The following KIF4B variants were observed in gnomAD, a reference collection of about 807,000 sequenced individuals.
KIF4B encodes the protein chromosome-associated kinesin KIF4B.
Under a neutral mutation model 69.0 loss-of-function variants are expected in KIF4B, and 60 were observed. That is an observed-to-expected ratio of 0.87 (90% CI 0.71 to 1.08). KIF4B has a LOEUF of 1.08. Among genes scored for constraint, KIF4B ranks in the 50% least tolerant of loss-of-function variants. The pLI is 0.00. For synonymous variants in KIF4B, 489 were observed against 533.0 expected (o/e 0.92, Z 1.14); for missense variants, 1,357 against 1,451.9 (o/e 0.93, Z 1.06).
rs778448313 is a variant in KIF4B, at chr5:155,015,153, G to A, written c.1294G>A (p.Ala432Thr). The change falls in exon 1 of 1, where the codon GCC (alanine) becomes ACC (threonine). Residue 432 changes from alanine to threonine, a missense_variant. Transcript: ENST00000435029. ...AGAGCAAGTGAATGAAAAACTGAAC[G>A]CCAAGCTAGAAGAGCTCAGGCAGCA... ...LTEQVNEKLN[A>T]KLEELRQHVA... 1.1e-5 allele frequency: 17 copies of A among 1,614,084 alleles called. No homozygotes were observed. Among genetic ancestry groups the A allele is most frequent in the African/African-American group, 8.0e-5 (6 of 74,938 alleles).
rs1765298519 is a variant in KIF4B at position 155,014,963 on chromosome 5, C to A, written c.1104C>A (p.Ala368=). Reference sequence around the variant, plus strand: ...AGCTACAAGTCTTGTTGCTACAAGCCCATGGAGGTACCCTGCCTGGATCTA... The same window carrying A: ...AGCTACAAGTCTTGTTGCTACAAGCACATGGAGGTACCCTGCCTGGATCTA... ...VQQLQVLLLQ[A]HGGTLPGSIN... The change falls in exon 1 of 1, where the codon GCC becomes GCA. Residue 368 remains alanine, a synonymous_variant. Transcript: ENST00000435029. 1 of 1,614,178 alleles carries A rather than the reference C, an allele frequency of 6.2e-7. No individual in the cohort carries two copies. Among genetic ancestry groups the A allele is most frequent in the East Asian group, 2.2e-5 (1 of 44,882 alleles).
rs1388915841 is a variant in KIF4B, at chr5:155,014,091, A to G, written c.232A>G (p.Lys78Glu). The G allele has an allele frequency of 6.2e-7, 1 of 1,614,220 alleles. No individual in the cohort carries two copies. The highest frequency in any genetic ancestry group is 1.7e-5 in the Admixed American group (1 of 60,030). The change falls in exon 1 of 1, where the codon AAA becomes GAA. Residue 78 changes from lysine to glutamate, a missense_variant. Lys to Glu is a moderately conservative substitution (Grantham distance 56). Transcript: ENST00000435029. ...AGCGCCGCTCATAAAAGGCATATTT[A>G]AAGGATATAATGCAACGGTCCTGGC... ...AVAPLIKGIFKGYNATVLAYG... is the reference protein window; with the variant it reads ...AVAPLIKGIFEGYNATVLAYG...
rs111284803 is a variant in KIF4B, at chr5:155,015,352, T to C, written c.1493T>C (p.Val498Ala). The part of the protein sequence containing the change: ...IDTAVEEEAQ[V>A]ETSPETSRSS... Reference sequence around the variant, plus strand: ...ACTGCGGTAGAAGAAGAAGCTCAAGTGGAAACCAGTCCAGAGACAAGCAGG... The same window carrying C: ...ACTGCGGTAGAAGAAGAAGCTCAAGCGGAAACCAGTCCAGAGACAAGCAGG... The change falls in exon 1 of 1, where the codon GTG (valine) becomes GCG (alanine). Residue 498 changes from valine to alanine, a missense_variant. Coordinates refer to ENST00000435029, the MANE Select transcript of KIF4B (RefSeq NM_001099293.3). The C allele has an allele frequency of 2.5e-6, 4 of 1,614,170 alleles. No homozygotes were observed. Among genetic ancestry groups the C allele is most frequent in the Non-Finnish European group, 3.4e-6 (4 of 1,180,022 alleles).
At position 155,016,738 on chromosome 5, in the gene KIF4B, T is replaced by G; in HGVS notation, c.2879T>G (p.Val960Gly). Reference protein sequence around the residue: ...KSASEKEQQLVSTLQCQDEEL... With the variant: ...KSASEKEQQLGSTLQCQDEEL... ...GCCAGTGAAAAGGAACAACAGCTGG[T>G]GAGCACACTGCAGTGTCAGGATGAA... The change falls in exon 1 of 1, where the codon GTG becomes GGG. Residue 960 changes from valine (V) to glycine (G), a missense_variant. Val to Gly is a moderately radical substitution (Grantham distance 109). Transcript: ENST00000435029. 1 of 1,614,090 alleles carries G rather than the reference T, an allele frequency of 6.2e-7. No individual in the cohort carries two copies. Among genetic ancestry groups the G allele is most frequent in the East Asian group, 2.2e-5 (1 of 44,864 alleles).
Position 155,015,873 on chromosome 5 carries a change from G to T in KIF4B, c.2014G>T (p.Val672Leu). 1 of 1,614,216 alleles carries T rather than the reference G, an allele frequency of 6.2e-7. No individual in the cohort carries two copies. Residue 672 changes from valine (V) to leucine (L), a missense_variant, in exon 1 of 1, where the codon GTA (valine) becomes TTA (leucine). Physicochemically the swap from Val to Leu is conservative, Grantham distance 32. Coordinates refer to ENST00000435029, the MANE Select transcript of KIF4B (RefSeq NM_001099293.3). The stretch of plus-strand genomic sequence containing the variant: ...ATGGAAGCAGAAAAAAGACAAAGAA[G>T]TAATACAGTTGAAAGAACGAGACCG... ...RQWKQKKDKEVIQLKERDRKR... is the reference protein window; with the variant it reads ...RQWKQKKDKELIQLKERDRKR...
Position 155,014,227 on chromosome 5 carries a change from T to C in KIF4B, c.368T>C (p.Phe123Ser), listed in dbSNP as rs759689624. The C allele has an allele frequency of 5.6e-6, 9 of 1,614,112 alleles. No homozygotes were observed. Among genetic ancestry groups the C allele is most frequent in the South Asian group, 1.1e-5 (1 of 91,088 alleles). ...GIIPRVIQLL[F>S]KEIDKKSDFE... is the part of the protein sequence containing the mutation. ...ATTCCTAGGGTAATACAACTGCTCT[T>C]CAAAGAAATTGATAAAAAGAGTGAC... Residue 123 changes from phenylalanine to serine, a missense_variant, in exon 1 of 1, where the codon TTC becomes TCC. Physicochemically the swap from Phe to Ser is radical, Grantham distance 155. Coordinates refer to ENST00000435029, the MANE Select transcript of KIF4B (RefSeq NM_001099293.3).
Position 155,017,324 on chromosome 5 carries a change from C to G in KIF4B, c.3465C>G (p.Ser1155Arg), listed in dbSNP as rs1300977216. Residue 1155 changes from serine to arginine, a missense_variant, in exon 1 of 1, where the codon AGC (serine) becomes AGG (arginine). Ser to Arg is a moderately radical substitution (Grantham distance 110, BLOSUM62 -1). Coordinates refer to ENST00000435029, the MANE Select transcript of KIF4B (RefSeq NM_001099293.3). ...CTACCGAGGTGACCCCAGGATTGAGCTTCTTTAACCCTGTCTGTGCCACCC... is the reference window on the plus strand; with the variant it reads ...CTACCGAGGTGACCCCAGGATTGAGGTTCTTTAACCCTGTCTGTGCCACCC... ...EDPTEVTPGL[S>R]FFNPVCATPN... 2 of 1,614,192 alleles carry G rather than the reference C, an allele frequency of 1.2e-6. No homozygotes were observed. Among genetic ancestry groups the G allele is most frequent in the Non-Finnish European group, 1.7e-6 (2 of 1,180,026 alleles).
chr5:155,013,966 C>T lies in KIF4B; in HGVS notation c.107C>T (p.Pro36Leu). The T allele has an allele frequency of 6.2e-7, 1 of 1,614,222 alleles. No individual in the cohort carries two copies. The highest frequency in any genetic ancestry group is 8.5e-7 in the Non-Finnish European group (1 of 1,180,042). Residue 36 changes from proline to leucine, a missense_variant, in exon 1 of 1, where the codon CCC (proline) becomes CTC (leucine). Coordinates refer to ENST00000435029, the MANE Select transcript of KIF4B (RefSeq NM_001099293.3). ...EGCQMCLSFV[P>L]GETQVVVGTD... Reference sequence around the variant, plus strand: ...TGCCAGATGTGCCTTTCCTTCGTGCCCGGGGAGACTCAGGTGGTGGTTGGT... The same window carrying T: ...TGCCAGATGTGCCTTTCCTTCGTGCTCGGGGAGACTCAGGTGGTGGTTGGT...
rs567671560 is a variant in KIF4B at position 155,016,309 on chromosome 5, C to T, written c.2450C>T (p.Thr817Ile). The T allele has an allele frequency of 4.2e-5, 68 of 1,614,196 alleles. No homozygotes were observed. The Middle Eastern group carries it at 6.6e-4, about 16-fold the overall frequency. The change falls in exon 1 of 1, where the codon ACA becomes ATA. Residue 817 changes from threonine to isoleucine, a missense_variant. Transcript: ENST00000435029. ...GTTTTGGAGTCAGAAGATTGTATTA[C>T]AAAACAGATTGAAAGCCTAGAGACT... The part of the protein sequence containing the change: ...GQVLESEDCI[T>I]KQIESLETEM...
Position 155,017,095 on chromosome 5 carries a change from A to G in KIF4B, c.3236A>G (p.Lys1079Arg), listed in dbSNP as rs746611503. The G allele has an allele frequency of 2.6e-5, 42 of 1,613,994 alleles. No individual in the cohort carries two copies. The highest frequency in any genetic ancestry group is 6.7e-5 in the East Asian group (3 of 44,890). The change falls in exon 1 of 1, where the codon AAG (lysine) becomes AGG (arginine). Residue 1079 changes from lysine to arginine, a missense_variant. By Grantham distance (26) the Lys-to-Arg change is conservative. Transcript: ENST00000435029. ...GAATGGAAGCCAACAAAATTAGTCA[A>G]GGTGTCCAGGAAGAACATCCAAGGG... is the stretch of plus-strand genomic sequence containing the variant. ...DEEWKPTKLV[K>R]VSRKNIQGCS...
chr5:155,015,638 G>A lies in KIF4B; in HGVS notation c.1779G>A (p.Lys593=), dbSNP rs770670616. 2.5e-6 allele frequency: 4 copies of A among 1,614,094 alleles called. No homozygotes were observed. In the African/African-American group the frequency reaches 5.3e-5, roughly 22 times the overall value. Residue 593 remains lysine, a synonymous_variant, in exon 1 of 1, where the codon AAG becomes AAA. Transcript: ENST00000435029. ...QTAKKNVNQA[K]LSEHRHKLLQ... is the part of the protein sequence containing the mutation. The stretch of plus-strand genomic sequence containing the variant: ...CAAAGAAGAATGTCAACCAAGCCAA[G>A]CTGAGTGAGCACCGCCACAAACTTC...
In KIF4B at chr5:155,017,175, T is replaced by G; in HGVS notation, c.3316T>G (p.Ser1106Ala). ...GCAGTGTGGGTGCAGGAAGCAAAAG[T>G]CAGACTGTGGTGTGGACTGTAGCTG... ...NKQCGCRKQKSDCGVDCSCDP... is the reference protein window; with the variant it reads ...NKQCGCRKQKADCGVDCSCDP... The change falls in exon 1 of 1, where the codon TCA becomes GCA. Residue 1106 changes from serine to alanine, a missense_variant. Coordinates refer to ENST00000435029, the MANE Select transcript of KIF4B (RefSeq NM_001099293.3). 1 of 1,614,048 alleles carries G rather than the reference T, an allele frequency of 6.2e-7. No homozygotes were observed. The highest frequency in any genetic ancestry group is 1.3e-5 in the African/African-American group (1 of 74,990).
Position 155,015,370 on chromosome 5 carries a change from C to T in KIF4B, c.1511C>T (p.Thr504Ile), listed in dbSNP as rs781582777. 2 of 1,614,210 alleles carry T rather than the reference C, an allele frequency of 1.2e-6. No homozygotes were observed. Among genetic ancestry groups the T allele is most frequent in the East Asian group, 4.5e-5 (2 of 44,880 alleles). The change falls in exon 1 of 1, where the codon ACA (threonine) becomes ATA (isoleucine). Residue 504 changes from threonine to isoleucine, a missense_variant. Physicochemically the swap from Thr to Ile is moderately conservative, Grantham distance 89. Coordinates refer to ENST00000435029, the MANE Select transcript of KIF4B (RefSeq NM_001099293.3). The stretch of plus-strand genomic sequence containing the variant: ...GCTCAAGTGGAAACCAGTCCAGAGA[C>T]AAGCAGGTCTTCTGACGCTTTTACC... ...EEAQVETSPE[T>I]SRSSDAFTTQ...
Position 155,014,537 on chromosome 5 carries a change from T to C in KIF4B, c.678T>C (p.Ser226=), listed in dbSNP as rs1765290178. Residue 226 remains serine, a synonymous_variant, in exon 1 of 1, where the codon AGT becomes AGC. Coordinates refer to ENST00000435029, the MANE Select transcript of KIF4B (RefSeq NM_001099293.3). ...TCTCCATAGAGCAAAGAAAGAAAAG[T>C]GACAAGAATTGCAGCTTTCGCTCCA... ...FTISIEQRKK[S]DKNCSFRSKL... 6.2e-7 allele frequency: 1 copy of C among 1,613,960 alleles called. No individual in the cohort carries two copies. The highest frequency in any genetic ancestry group is 8.5e-7 in the Non-Finnish European group (1 of 1,179,976).
Position 155,016,170 on chromosome 5 carries a change from A to G in KIF4B, c.2311A>G (p.Arg771Gly). 3 of 1,614,242 alleles carry G rather than the reference A, an allele frequency of 1.9e-6. No individual in the cohort carries two copies. Among genetic ancestry groups the G allele is most frequent in the Non-Finnish European group, 2.5e-6 (3 of 1,180,050 alleles). The part of the protein sequence containing the change: ...KRHLNDLLED[R>G]KILAQDVVQL... Reference sequence around the variant, plus strand: ...CCATCTGAATGACCTCCTTGAAGACAGAAAGATCCTGGCTCAGGATGTGGT... The same window carrying G: ...CCATCTGAATGACCTCCTTGAAGACGGAAAGATCCTGGCTCAGGATGTGGT... Residue 771 changes from arginine to glycine, a missense_variant, in exon 1 of 1, where the codon AGA becomes GGA. Transcript: ENST00000435029.
At position 155,014,681 on chromosome 5, in the gene KIF4B, C is replaced by G. The variant is rs770035232; in HGVS notation, c.822C>G (p.Ile274Met). The change falls in exon 1 of 1, where the codon ATC (isoleucine) becomes ATG (methionine). Residue 274 changes from isoleucine to methionine, a missense_variant. Ile to Met is a conservative substitution (Grantham distance 10). Coordinates refer to ENST00000435029, the MANE Select transcript of KIF4B (RefSeq NM_001099293.3). ...NRGLLCLGNVISALGDDKKGS... is the reference protein window; with the variant it reads ...NRGLLCLGNVMSALGDDKKGS... ...GCCTCCTATGCTTGGGAAATGTAATCAGTGCTCTTGGAGATGACAAAAAGG... is the reference window on the plus strand; with the variant it reads ...GCCTCCTATGCTTGGGAAATGTAATGAGTGCTCTTGGAGATGACAAAAAGG... 6.2e-7 allele frequency: 1 copy of G among 1,614,134 alleles called. No homozygotes were observed. The highest frequency in any genetic ancestry group is 8.5e-7 in the Non-Finnish European group (1 of 1,180,022).
At position 155,014,920 on chromosome 5, in the gene KIF4B, T is replaced by G. The variant is rs1765297640; in HGVS notation, c.1061T>G (p.Leu354Arg). Residue 354 changes from leucine to arginine, a missense_variant, in exon 1 of 1, where the codon CTA (leucine) becomes CGA (arginine). Leu to Arg is a moderately radical substitution (Grantham distance 102). Coordinates refer to ENST00000435029, the MANE Select transcript of KIF4B (RefSeq NM_001099293.3). The stretch of plus-strand genomic sequence containing the variant: ...CCCCACACAGCTGAACTTAATCATC[T>G]AAAGCAACAGGTACAACAGCTACAA... ...IDPHTAELNHLKQQVQQLQVL... is the reference protein window; with the variant it reads ...IDPHTAELNHRKQQVQQLQVL... The G allele has an allele frequency of 6.2e-7, 1 of 1,614,048 alleles. No homozygotes were observed.
chr5:155,016,779 C>T lies in KIF4B; in HGVS notation c.2920C>T (p.Arg974Ter), dbSNP rs759136573. Residue 974 changes from arginine to a stop codon, truncating the protein, a stop_gained, in exon 1 of 1, where the codon CGA becomes TGA. Transcript: ENST00000435029. LOFTEE classifies it low-confidence loss of function (END_TRUNC). Reference protein sequence around the residue: ...QCQDEELEKMREVCEQNQQLL... With the variant: ...QCQDEELEKM ...TCAGGATGAAGAACTTGAGAAGATG[C>T]GAGAAGTGTGTGAGCAAAATCAGCA... 5.6e-6 allele frequency: 9 copies of T among 1,614,048 alleles called. No individual in the cohort carries two copies. In the East Asian group the frequency reaches 6.7e-5, roughly 12 times the overall value.
In KIF4B at chr5:155,014,188, C is replaced by T. The variant is rs375845717; in HGVS notation, c.329C>T (p.Pro110Leu). ...GAYTAEQENE[P>L]TVGIIPRVIQ... ...TACACTGCGGAGCAGGAGAATGAAC[C>T]AACAGTTGGCATTATTCCTAGGGTA... is the stretch of plus-strand genomic sequence containing the variant. The change falls in exon 1 of 1, where the codon CCA becomes CTA. Residue 110 changes from proline to leucine, a missense_variant. Transcript: ENST00000435029. 1.2e-6 allele frequency: 2 copies of T among 1,614,044 alleles called. No homozygotes were observed. Among genetic ancestry groups the T allele is most frequent in the Non-Finnish European group, 1.7e-6 (2 of 1,180,034 alleles).
Sources: gnomAD v4.1 joint callset for allele counts on GRCh38, gnomAD v4.1.1 for gene constraint, MANE v1.5 for transcripts, NCBI Gene and HGNC (gene_info 2026-07-23, HGNC 2026-07-21) for gene names.